The following ALDH2 variants were observed in gnomAD, a reference collection of about 807,000 sequenced individuals.
ALDH2 encodes the protein aldehyde dehydrogenase, mitochondrial.
ALDH2 carries 44 observed loss-of-function variants against 59.6 expected under a neutral mutation model. The observed-to-expected ratio is 0.74, with a 90% CI of 0.58 to 0.95. The LOEUF is 0.95. ALDH2 is among the 40% of genes least tolerant of loss of function. The pLI, the probability that ALDH2 is intolerant of heterozygous loss-of-function variation, is 0.00. For missense variants in ALDH2, 570 were observed against 696.3 expected, an observed-to-expected ratio of 0.82 and a Z score of 2.04; for synonymous variants, 291 against 284.0, an observed-to-expected ratio of 1.02 and a Z score of -0.25.
intron 9 of ALDH2, among the ~76,000 whole-genome samples, chr12:111,794,339 GT>G (rs1197327673): frequency 1.3e-5 from 2 of 151,688 alleles, no homozygotes; most frequent in Non-Finnish European, 2.9e-5. Context: ...TGTCTCTATA[GT>G]TTTGCCTTTT....
At chr12:111,777,252 C>T (rs770543842) in intron 1 of ALDH2, among the ~76,000 whole-genome samples, 3 of 152,104 alleles carry the variant, frequency 2.0e-5, no homozygotes, top group Non-Finnish European at 2.9e-5. Context: ...AAGTTCACCT[C>T]CTAGGTTTGC....
At chr12:111,808,059 G>C (rs1260740190) in intron 12 of ALDH2, among the ~76,000 whole-genome samples, 3 of 151,944 alleles carry the variant, frequency 2.0e-5, no homozygotes, top group Non-Finnish European at 4.4e-5. Flanking sequence ...TGTATTTGTA[G>C]AGATGAGGTT....
intron 12 of ALDH2, among the ~76,000 whole-genome samples, chr12:111,806,707 C>T (rs915066678): frequency 6.6e-6 from 1 of 152,146 alleles, no homozygotes; most frequent in Admixed American, 6.5e-5. Context: ...AGTGGTGGCT[C>T]ATGCCTGTAA....
intron 4 of ALDH2, among the ~76,000 whole-genome samples, chr12:111,788,819 T>C (rs2068332130): frequency 6.6e-6 from 1 of 151,858 alleles, no homozygotes; most frequent in South Asian, 2.1e-4. Context: ...CTGGGCAATA[T>C]AGGGAGACCC....
In ALDH2 at chr12:111,767,036, A is replaced by AGCC; in HGVS notation, c.61_63dup (p.Ala21dup). The AGCC allele has an allele frequency of 6.6e-7, 1 of 1,526,518 alleles. No homozygotes were observed. The allele number at this position is 1,526,518 out of a possible 1,614,324, so 94.6% of individuals were successfully genotyped here. Reference sequence around the variant, plus strand: ...CCCGCCTGGGCCGCCGCCTCTTGTCAGCCGCCGCCACCCAGGCCGTGCCTG... The same window carrying AGCC: ...CCCGCCTGGGCCGCCGCCTCTTGTCAGCCGCCGCCGCCACCCAGGCCGTGCCTG... On this transcript the variant is annotated inframe_insertion, in exon 1 of 13. Transcript: ENST00000261733.
At chr12:111,790,410 G>A (rs764544132) in intron 5 of ALDH2, 24 bp from the exon 6 acceptor site, 13 of 1,613,184 alleles carry the variant, frequency 8.1e-6, no homozygotes, top group East Asian at 2.2e-5. Context: ...CTTGGATTTC[G>A]AGGGCTGCTG....
chr12:111,767,026 G>A lies in ALDH2; in HGVS notation c.44G>A (p.Arg15His). The change falls in exon 1 of 13, where the codon CGC becomes CAC. Residue 15 changes from arginine (R) to histidine (H), a missense_variant. Transcript: ENST00000261733. ...CGCTTCGGGCCCCGCCTGGGCCGCC[G>A]CCTCTTGTCAGCCGCCGCCACCCAG... ...AARFGPRLGR[R>H]LLSAAATQAV... 10 of 1,525,200 alleles carry A rather than the reference G, an allele frequency of 6.6e-6. No homozygotes were observed. Among genetic ancestry groups the A allele is most frequent in the East Asian group, 2.6e-5 (1 of 39,088 alleles). 94.5% of individuals were successfully genotyped at this position (1,525,200 alleles called of 1,614,324 possible).
intron 1 of ALDH2, among the ~76,000 whole-genome samples, chr12:111,777,427 A>G (rs555203735): frequency 3.0e-4 from 46 of 152,086 alleles, no homozygotes; most frequent in Non-Finnish European, 6.3e-4. Flanking sequence ...TACAAGGCCA[A>G]CCAGACCTAC....
At chr12:111,809,521 G>A (rs545849122) in intron 12 of ALDH2, 22 bp from the exon 13 acceptor site, 304 of 1,614,038 alleles carry the variant, frequency 1.9e-4, no homozygotes, top group Non-Finnish European at 2.4e-4. Context: ...AAGATCTAAC[G>A]GCTTCTCTGT....
intron 9 of ALDH2, among the ~76,000 whole-genome samples, chr12:111,797,768 C>T (rs897484636): frequency 6.6e-6 from 1 of 152,156 alleles, no homozygotes; most frequent in African/African-American, 2.4e-5. Flanking sequence ...AAGGCTGTAC[C>T]AGTCTGTCAT....
chr12:111,799,515 G>T (rs1351809021), intron 10 of ALDH2, among the ~76,000 whole-genome samples: 4 of 144,452 alleles, frequency 2.8e-5, no homozygotes, highest in Admixed American at 1.4e-4. Flanking sequence ...CTCTGTGTTT[G>T]CCAGGCTGGA....
chr12:111,767,768 C>T (rs2068170554), intron 1 of ALDH2, among the ~76,000 whole-genome samples: 1 of 152,214 alleles, frequency 6.6e-6, no homozygotes, highest in African/African-American at 2.4e-5. Flanking sequence ...ATCAGTAATA[C>T]TTTGGAATAT....
At chr12:111,804,882 C>T (rs1479902299) in intron 12 of ALDH2, among the ~76,000 whole-genome samples, 1 of 152,028 alleles carries the variant, frequency 6.6e-6, no homozygotes, top group Non-Finnish European at 1.5e-5. Flanking sequence ...GGCCCATAAC[C>T]ATATGCATCT....
chr12:111,777,220 C>G (rs931808197), intron 1 of ALDH2, among the ~76,000 whole-genome samples: 1 of 152,218 alleles, frequency 6.6e-6, no homozygotes, highest in African/African-American at 2.4e-5. Context: ...CCAGCATCCT[C>G]TGCTGTGAAG....
chr12:111,783,366 G>A (rs891774322), intron 3 of ALDH2, 68 bp downstream of exon 3: 1 of 1,526,672 alleles, frequency 6.6e-7, no homozygotes, highest in Admixed American at 2.0e-5. Context: ...CCTGTGAACA[G>A]CCAGGAACCA....
At chr12:111,787,272 T>TA (rs2068317424) in intron 4 of ALDH2, among the ~76,000 whole-genome samples, 1 of 152,180 alleles carries the variant, frequency 6.6e-6, no homozygotes, top group South Asian at 2.1e-4. Flanking sequence ...AAGAGGTCTC[T>TA]AATGCAAAAG....
Position 111,811,434 on chromosome 12 carries a change from A to G in ALDH2, c.*1859A>G, listed in dbSNP as rs112916418. 7 of 149,684 alleles carry G rather than the reference A, an allele frequency of 4.7e-5. No homozygotes were observed. The highest frequency in any genetic ancestry group is 2.1e-4 in the South Asian group (1 of 4,682). 9.3% of individuals were successfully genotyped at this position (149,684 alleles called of 1,614,324 possible). A position where few individuals can be genotyped will look rare whatever the true frequency, so the allele number is the denominator to read the frequency against. On this transcript the variant is annotated 3_prime_UTR_variant, in exon 13 of 13. Coordinates refer to ENST00000261733, the MANE Select transcript of ALDH2 (RefSeq NM_000690.4). ...AGTCTCTACCATCATGTGAAACACC[A>G]CTCTGTGATTTGAGTCTTGACAATG...
At chr12:111,775,058 C>T (rs1455928569) in intron 1 of ALDH2, among the ~76,000 whole-genome samples, 1 of 152,176 alleles carries the variant, frequency 6.6e-6, no homozygotes, top group Admixed American at 6.5e-5. Flanking sequence ...ATGGCCTGAC[C>T]GTGTTGAGGA....
At chr12:111,774,433 T>G (rs1378343831) in intron 1 of ALDH2, among the ~76,000 whole-genome samples, 1 of 152,200 alleles carries the variant, frequency 6.6e-6, no homozygotes, top group Non-Finnish European at 1.5e-5. Flanking sequence ...AAAGAGCACA[T>G]GCCGTTGGGA....
Sources: gnomAD v4.1 joint callset for allele counts (sites outside exome capture counted in the v4.1 genomes callset) on GRCh38, gnomAD v4.1.1 for gene constraint, MANE v1.5 for transcripts, NCBI Gene and HGNC (gene_info 2026-07-23, HGNC 2026-07-21) for gene names.